Variants in DENND4C observed in about 807,000 individuals in gnomAD.
DENND4C encodes DENN domain-containing protein 4C.
A neutral mutation model predicts 203.0 loss-of-function variants in DENND4C; 108 were observed. The ratio of observed to expected loss-of-function variants is 0.53; its 90% CI spans 0.46 to 0.62. The LOEUF is 0.62. Among genes scored for constraint, DENND4C ranks in the 20% least tolerant of loss-of-function variants. DENND4C has a pLI of 0.00. For synonymous variants in DENND4C, 871 were observed against 792.4 expected, an observed-to-expected ratio of 1.10 and a Z score of -1.67; for missense variants, 2,481 against 2,301.2, an observed-to-expected ratio of 1.08 and a Z score of -1.60.
At chr9:19,354,576 CAG>C (rs1824943437) in intron 26 of DENND4C, among the ~76,000 whole-genome samples, 1 of 105,612 alleles carries the variant, frequency 9.5e-6, no homozygotes, top group African/African-American at 3.7e-5. Flanking sequence ...TTTTTGGAGA[CAG>C]AGTTTCACTC....
chr9:19,329,063 A>G (rs115418716), intron 16 of DENND4C, among the ~76,000 whole-genome samples: 3,250 of 152,298 alleles, frequency 0.021, 123 homozygotes, highest in African/African-American at 0.073. Flanking sequence ...AAACTTAATT[A>G]AAATATAATT....
chr9:19,234,398 A>T (rs1293540224), intron 1 of DENND4C, among the ~76,000 whole-genome samples: 1 of 151,310 alleles, frequency 6.6e-6, no homozygotes, highest in Non-Finnish European at 1.5e-5. Flanking sequence ...GCCTGGCTAA[A>T]TTTTTTTATT....
intron 1 of DENND4C, among the ~76,000 whole-genome samples, chr9:19,243,314 A>G (rs187721329): frequency 3.6e-4 from 55 of 152,310 alleles, no homozygotes; most frequent in Admixed American, 5.9e-4. Flanking sequence ...ATGTTGTAGT[A>G]TGTATCACTC....
intron 1 of DENND4C, among the ~76,000 whole-genome samples, chr9:19,275,126 C>T (rs553957528): frequency 9.6e-4 from 145 of 150,752 alleles, no homozygotes; most frequent in African/African-American, 3.4e-3. Context: ...TACAGGTGCC[C>T]ACCACCACAC....
At chr9:19,329,661 A>G (rs7864862) in intron 16 of DENND4C, among the ~76,000 whole-genome samples, 3 of 152,052 alleles carry the variant, frequency 2.0e-5, no homozygotes, top group Non-Finnish European at 4.4e-5. Context: ...TTACATTCCC[A>G]CCAGTAGTGT....
intron 2 of DENND4C, among the ~76,000 whole-genome samples, chr9:19,284,068 C>G (rs776109548): frequency 6.6e-6 from 1 of 152,114 alleles, no homozygotes; most frequent in Non-Finnish European, 1.5e-5. Flanking sequence ...TCCTTTTCTC[C>G]TAGATGATAG....
intron 1 of DENND4C, among the ~76,000 whole-genome samples, chr9:19,257,883 A>G (rs952578374): frequency 6.6e-6 from 1 of 152,174 alleles, no homozygotes; most frequent in Non-Finnish European, 1.5e-5. Flanking sequence ...TAATCCCAGC[A>G]CTTTGGGAGG....
At chr9:19,261,110 A>G (rs1281699543) in intron 1 of DENND4C, among the ~76,000 whole-genome samples, 1 of 152,068 alleles carries the variant, frequency 6.6e-6, no homozygotes, top group Admixed American at 6.6e-5. Context: ...ATATTTGTTA[A>G]AGAGACTGTC....
intron 1 of DENND4C, among the ~76,000 whole-genome samples, chr9:19,242,487 T>G (rs1237416064): frequency 1.3e-5 from 2 of 152,206 alleles, no homozygotes; most frequent in Non-Finnish European, 2.9e-5. Flanking sequence ...TTTAGCTTTG[T>G]AAGAAACTGC....
intron 1 of DENND4C, among the ~76,000 whole-genome samples, chr9:19,252,750 T>C (rs1826962315): frequency 6.6e-6 from 1 of 151,932 alleles, no homozygotes; most frequent in African/African-American, 2.4e-5. Context: ...CATACTTTTT[T>C]TTTTTGGCGT....
intron 9 of DENND4C, among the ~76,000 whole-genome samples, chr9:19,303,894 T>G (rs1457335931): frequency 2.6e-5 from 4 of 152,104 alleles, no homozygotes; most frequent in Admixed American, 2.0e-4. Flanking sequence ...AATTTTTTTG[T>G]GGAGATGAGG....
In DENND4C at chr9:19,299,244, G is replaced by A. The variant is rs375684138; in HGVS notation, c.1123G>A (p.Ala375Thr). The A allele has an allele frequency of 6.4e-6, 10 of 1,570,344 alleles. No individual in the cohort carries two copies. Among genetic ancestry groups the A allele is most frequent in the South Asian group, 3.7e-5 (3 of 82,128 alleles). ...TTTTTTTAAGCTGTCAGTCCATGAT[G>A]CATTAATATTATCACAGCCAGTTTC... is the stretch of plus-strand genomic sequence containing the variant. ...RILVQLSVHD[A>T]LILSQPVSTP... The change falls in exon 8 of 33, where the codon GCA becomes ACA. Residue 375 changes from alanine to threonine, a missense_variant. Ala to Thr is a moderately conservative substitution (Grantham distance 58). Transcript: ENST00000434457.
intron 2 of DENND4C, among the ~76,000 whole-genome samples, chr9:19,277,935 C>G (rs1226822046): frequency 6.6e-6 from 1 of 151,884 alleles, no homozygotes; most frequent in Non-Finnish European, 1.5e-5. Context: ...CCTTTGTTCT[C>G]TTAGTGTCAT....
chr9:19,353,795 G>A (rs1028745666), intron 26 of DENND4C, among the ~76,000 whole-genome samples: 16 of 152,070 alleles, frequency 1.1e-4, no homozygotes, highest in Admixed American at 5.2e-4. Flanking sequence ...AGGTTAGCCC[G>A]ACACCATGGC....
chr9:19,321,811 A>T (rs1016383665), intron 12 of DENND4C, among the ~76,000 whole-genome samples: 1 of 148,434 alleles, frequency 6.7e-6, no homozygotes, highest in Middle Eastern at 3.4e-3. Flanking sequence ...CAGCCTGGGT[A>T]ATAGAGTGAG....
intron 1 of DENND4C, among the ~76,000 whole-genome samples, chr9:19,259,186 T>A (rs1347275410): frequency 1.3e-5 from 2 of 152,158 alleles, no homozygotes; most frequent in Admixed American, 1.3e-4. Flanking sequence ...AAATACTAGA[T>A]CTTATTCATT....
rs750086321 is a variant in DENND4C at position 19,350,732 on chromosome 9, G to C, written c.4348G>C (p.Ala1450Pro). ...AACTAATAGAGACTACAGCTTCCCA[G>C]CTGGCCTAGAAGACCATATTTTGGG... ...EETNRDYSFP[A>P]GLEDHILGEN... Residue 1450 changes from alanine (A) to proline (P), a missense_variant, in exon 24 of 33, where the codon GCT (alanine) becomes CCT (proline). Physicochemically the swap from Ala to Pro is conservative, Grantham distance 27. Transcript: ENST00000434457. 8.1e-6 allele frequency: 13 copies of C among 1,613,278 alleles called. No individual in the cohort carries two copies. The highest frequency in any genetic ancestry group is 1.6e-4 in the Middle Eastern group (1 of 6,082).
rs542832091 is a variant in DENND4C, at chr9:19,296,423, G to A, written c.1040+177G>A. ...TCTGTCACCCAGGCTGGAGTGCAGT[G>A]GTGTGATCTTGGTTCACTGCAACCT... On this transcript the variant is annotated intron_variant, in intron 6 of 32. Coordinates refer to ENST00000434457, the MANE Select transcript of DENND4C (RefSeq NM_001330640.2). Among the ~76,000 whole-genome samples, 6 of 149,412 alleles carry A rather than the reference G, an allele frequency of 4.0e-5. No homozygotes were observed. In the South Asian group the frequency reaches 1.3e-3, roughly 32 times the overall value.
chr9:19,331,230 G>C (rs906220793), intron 16 of DENND4C, among the ~76,000 whole-genome samples: 4 of 148,782 alleles, frequency 2.7e-5, no homozygotes, highest in African/African-American at 9.9e-5. Context: ...TTGAGATGGA[G>C]TATCGCTCTG....
Sources: gnomAD v4.1 joint callset for allele counts (sites outside exome capture counted in the v4.1 genomes callset) on GRCh38, gnomAD v4.1.1 for gene constraint, MANE v1.5 for transcripts, NCBI Gene and HGNC (gene_info 2026-07-23, HGNC 2026-07-21) for gene names.